Variants in HLX observed in about 807,000 individuals in gnomAD.
HLX encodes the protein H2.0-like homeobox protein.
HLX carries 6 observed loss-of-function variants against 27.7 expected under a neutral mutation model. The ratio of observed to expected loss-of-function variants is 0.22; its 90% CI spans 0.12 to 0.43. The LOEUF (loss-of-function observed/expected upper bound fraction) is 0.43, where lower values mean the gene tolerates loss of function less well. Among genes scored for constraint, HLX ranks in the 20% least tolerant of loss-of-function variants. The probability of loss-of-function intolerance (pLI) is 1.00; values close to 1 mark genes in which losing one functional copy is unlikely to be tolerated. For missense variants in HLX, 666 were observed against 655.2 expected, an observed-to-expected ratio of 1.02 and a Z score of -0.18; for synonymous variants, 328 against 293.8, an observed-to-expected ratio of 1.12 and a Z score of -1.19.
chr1:220,884,805 A>G lies in HLX; in HGVS notation c.*101A>G. Reference sequence around the variant, plus strand: ...TGTTGGCGACTTGGTAGGGCAGGAGACGCAGCGTGGAGCCTACCTCCCGAC... The same window carrying G: ...TGTTGGCGACTTGGTAGGGCAGGAGGCGCAGCGTGGAGCCTACCTCCCGAC... On this transcript the variant is annotated 3_prime_UTR_variant, in exon 4 of 4. Coordinates refer to ENST00000366903, the MANE Select transcript of HLX (RefSeq NM_021958.4). The surrounding 1 kb of genome is among the most constrained non-coding windows in gnomAD (Gnocchi z 4.9). 6.6e-7 allele frequency: 1 copy of G among 1,510,792 alleles called. No homozygotes were observed. Among genetic ancestry groups the G allele is most frequent in the South Asian group, 1.2e-5 (1 of 81,060 alleles). 93.6% of individuals were successfully genotyped at this position (1,510,792 alleles called of 1,614,324 possible).
Position 220,884,087 on chromosome 1 carries a change from T to G in HLX, c.958-108T>G. On this transcript the variant is annotated intron_variant, in intron 3 of 3. Coordinates refer to ENST00000366903, the MANE Select transcript of HLX (RefSeq NM_021958.4). This position sits in a 1 kb window ranked among gnomAD's most constrained non-coding sequence, Gnocchi z 4.9. The stretch of plus-strand genomic sequence containing the variant: ...CTTGGTAGAGTCGCCAAGTAAGCGT[T>G]GCTTTTTCACTCAGGGAGGTGGCTT... 8.6e-7 allele frequency: 1 copy of G among 1,169,230 alleles called. No homozygotes were observed. The highest frequency in any genetic ancestry group is 1.3e-6 in the Non-Finnish European group (1 of 790,950). The allele number at this position is 1,169,230 out of a possible 1,614,324, so 72.4% of individuals were successfully genotyped here. A position where few individuals can be genotyped will look rare whatever the true frequency, so the allele number is the denominator to read the frequency against.
In HLX at chr1:220,880,145, C is replaced by T. The variant is rs754436791; in HGVS notation, c.288C>T (p.Thr96=). The T allele has an allele frequency of 6.2e-7, 1 of 1,611,842 alleles. No homozygotes were observed. Among genetic ancestry groups the T allele is most frequent in the East Asian group, 2.2e-5 (1 of 44,850 alleles). ...QAAARSPLRP[T]PVVAPSEVPA... ...CGGCCAGATCCCCGCTTCGACCCAC[C>T]CCAGTGGTGGCGCCCTCCGAAGTCC... is the stretch of plus-strand genomic sequence containing the variant. The change falls in exon 1 of 4, where the codon ACC becomes ACT. Residue 96 remains threonine, a synonymous_variant. Transcript: ENST00000366903.
Position 220,880,054 on chromosome 1 carries a change from G to A in HLX, c.197G>A (p.Gly66Glu), listed in dbSNP as rs1194068110. ...GGGGCGGCCCCGGAGGGCCTGGCAG[G>A]GGCCTCGGCCGCCGCCCTCACCGCG... ...DLGAAPEGLA[G>E]ASAAALTAHL... is the part of the protein sequence containing the mutation. The change falls in exon 1 of 4, where the codon GGG (glycine) becomes GAG (glutamate). Residue 66 changes from glycine to glutamate, a missense_variant. Physicochemically the swap from Gly to Glu is moderately conservative, Grantham distance 98 (BLOSUM62 -2). Coordinates refer to ENST00000366903, the MANE Select transcript of HLX (RefSeq NM_021958.4). The A allele has an allele frequency of 2.5e-6, 4 of 1,588,524 alleles. No homozygotes were observed. The highest frequency in any genetic ancestry group is 1.1e-5 in the South Asian group (1 of 89,964).
rs1674392721 is a variant in HLX at position 220,880,199 on chromosome 1, G to T, written c.342G>T (p.Pro114=). 4 of 1,612,084 alleles carry T rather than the reference G, an allele frequency of 2.5e-6. No homozygotes were observed. In the East Asian group the frequency reaches 8.9e-5, roughly 36 times the overall value. Residue 114 remains proline (P), a synonymous_variant, in exon 1 of 4, where the codon CCG becomes CCT. Transcript: ENST00000366903. ...VPAGFPQRLS[P]LSAAYHHHHP... is the part of the protein sequence containing the mutation. ...CTGGCTTCCCGCAGCGGCTGTCTCCGCTCTCAGCCGCCTACCACCACCATC... is the reference window on the plus strand; with the variant it reads ...CTGGCTTCCCGCAGCGGCTGTCTCCTCTCTCAGCCGCCTACCACCACCATC...
In HLX at chr1:220,879,538, G is replaced by A. The variant is rs988855857; in HGVS notation, c.-320G>A. Reference sequence around the variant, plus strand: ...CTATTTGGGTTTTCTTGCGGTGTCCGGCTCCCGTCTCCCTGGCTCCCCCGC... The same window carrying A: ...CTATTTGGGTTTTCTTGCGGTGTCCAGCTCCCGTCTCCCTGGCTCCCCCGC... On this transcript the variant is annotated 5_prime_UTR_variant, in exon 1 of 4. Coordinates refer to ENST00000366903, the MANE Select transcript of HLX (RefSeq NM_021958.4). 3 of 436,874 alleles carry A rather than the reference G, an allele frequency of 6.9e-6. No homozygotes were observed. The highest frequency in any genetic ancestry group is 4.0e-5 in the East Asian group (1 of 24,706). The allele number at this position is 436,874 out of a possible 1,614,324, so 27.1% of individuals were successfully genotyped here. A position where few individuals can be genotyped will look rare whatever the true frequency, so the allele number is the denominator to read the frequency against.
At position 220,885,035 on chromosome 1, in the gene HLX, T is replaced by G. The variant is rs1159014427; in HGVS notation, c.*331T>G. 5.5e-6 allele frequency: 2 copies of G among 365,338 alleles called. No individual in the cohort carries two copies. Among genetic ancestry groups the G allele is most frequent in the Non-Finnish European group, 1.0e-5 (2 of 196,726 alleles). The allele number at this position is 365,338 out of a possible 1,614,324, so 22.6% of individuals were successfully genotyped here. A position where few individuals can be genotyped will look rare whatever the true frequency, so the allele number is the denominator to read the frequency against. ...ACTTAGGACGCCTTAAATTTGTAAA[T>G]AAAATGTTTACTACGGTTTGTAAAG... On this transcript the variant is annotated 3_prime_UTR_variant, in exon 4 of 4. Coordinates refer to ENST00000366903, the MANE Select transcript of HLX (RefSeq NM_021958.4).
chr1:220,882,223 T>C lies in HLX; in HGVS notation c.832T>C (p.Trp278Arg). Reference sequence around the variant, plus strand: ...GCAGACGTACAAAAGGAAGCGTTCATGGTCGCGCGCTGTGTTCTCCAACCT... The same window carrying C: ...GCAGACGTACAAAAGGAAGCGTTCACGGTCGCGCGCTGTGTTCTCCAACCT... ...MPQTYKRKRS[W>R]SRAVFSNLQR... Residue 278 changes from tryptophan to arginine, a missense_variant, in exon 3 of 4, where the codon TGG (tryptophan) becomes CGG (arginine). Coordinates refer to ENST00000366903, the MANE Select transcript of HLX (RefSeq NM_021958.4). The C allele has an allele frequency of 1.2e-6, 2 of 1,614,210 alleles. No homozygotes were observed. The highest frequency in any genetic ancestry group is 1.7e-6 in the Non-Finnish European group (2 of 1,180,022).
chr1:220,881,079 TC>T, intron 1 of HLX, 114 bp from the exon 2 acceptor site: 5 of 981,434 alleles, frequency 5.1e-6, no homozygotes, highest in Non-Finnish European at 7.8e-6. Context: ...ACGGGTTCTC[TC>T]TTGACTTCGC....
intron 3 of HLX, chr1:220,883,842 T>C (rs1051783340): frequency 6.0e-5 from 18 of 300,462 alleles, no homozygotes; most frequent in African/African-American, 3.0e-4. Flanking sequence ...ATGGGGGTCC[T>C]GGCATAAAAA....
At chr1:220,880,507 G>A in intron 1 of HLX, 58 bp downstream of exon 1, 2 of 1,587,922 alleles carry the variant, frequency 1.3e-6, no homozygotes, top group Non-Finnish European at 1.7e-6. Flanking sequence ...CCCGGACCCC[G>A]GGCTGGCTTG....
In HLX at chr1:220,879,780, G is replaced by A. The variant is rs988824703; in HGVS notation, c.-78G>A. Reference sequence around the variant, plus strand: ...CCTCGGCTGCCGCCGCCTTCTCCGGGACTCGCGCGCCCCTCCCCGCGCGCC... The same window carrying A: ...CCTCGGCTGCCGCCGCCTTCTCCGGAACTCGCGCGCCCCTCCCCGCGCGCC... On this transcript the variant is annotated 5_prime_UTR_variant, in exon 1 of 4. Coordinates refer to ENST00000366903, the MANE Select transcript of HLX (RefSeq NM_021958.4). 1 of 1,465,696 alleles carries A rather than the reference G, an allele frequency of 6.8e-7. No homozygotes were observed. 90.8% of individuals were successfully genotyped at this position (1,465,696 alleles called of 1,614,324 possible).
chr1:220,881,574 G>T (rs1390398396), intron 2 of HLX: 2 of 629,446 alleles, frequency 3.2e-6, no homozygotes, highest in East Asian at 5.5e-5. Context: ...AGGGGTAGAG[G>T]CGCCTGGAGA....
chr1:220,884,752 C>T lies in HLX; in HGVS notation c.*48C>T. 1 of 1,591,474 alleles carries T rather than the reference C, an allele frequency of 6.3e-7. No individual in the cohort carries two copies. Among genetic ancestry groups the T allele is most frequent in the Non-Finnish European group, 8.5e-7 (1 of 1,174,702 alleles). ...CCGGGCCTTGCGTGCAGCCTCCCAA[C>T]CATGGGCTGGGTTTTGTGCTTACTG... On this transcript the variant is annotated 3_prime_UTR_variant, in exon 4 of 4. Transcript: ENST00000366903. The surrounding 1 kb of genome is among the most constrained non-coding windows in gnomAD (Gnocchi z 4.9).
chr1:220,881,194 A>T lies in HLX; in HGVS notation c.593A>T (p.Asp198Val), dbSNP rs139812768. ...TGCTATCCTTTTCCCTTGTCCCCAG[A>T]TCTCACTTCCCTGCTAACCGGTGGG... ...PKVKEGNTLR[D>V]LTSLLTGGRP... Residue 198 changes from aspartate (D) to valine (V), a missense_variant and splice_region_variant, in exon 2 of 4, where the codon GAT becomes GTT. Transcript: ENST00000366903. 5.0e-6 allele frequency: 8 copies of T among 1,603,260 alleles called. No individual in the cohort carries two copies. Among genetic ancestry groups the T allele is most frequent in the Non-Finnish European group, 6.8e-6 (8 of 1,170,232 alleles).
chr1:220,883,844 G>T, intron 3 of HLX: 1 of 301,192 alleles, frequency 3.3e-6, no homozygotes, highest in East Asian at 6.7e-5. Flanking sequence ...GGGGGTCCTG[G>T]CATAAAAAAA....
chr1:220,882,204 G>GTC lies in HLX; in HGVS notation c.814_815insCT (p.Tyr272SerfsTer31). 6.2e-7 allele frequency: 1 copy of GTC among 1,614,172 alleles called. No individual in the cohort carries two copies. The highest frequency in any genetic ancestry group is 8.5e-7 in the Non-Finnish European group (1 of 1,180,024). The stretch of plus-strand genomic sequence containing the variant: ...TCACGAAGGACACCATGCCGCAGAC[G>GTC]TACAAAAGGAAGCGTTCATGGTCGC... On this transcript the variant is annotated frameshift_variant, in exon 3 of 4. Transcript: ENST00000366903. LOFTEE classifies it high-confidence loss of function.
rs1674394901 is a variant in HLX at position 220,880,253 on chromosome 1, G to A, written c.396G>A (p.Gln132=). Residue 132 remains glutamine (Q), a synonymous_variant, in exon 1 of 4, where the codon CAG becomes CAA. Coordinates refer to ENST00000366903, the MANE Select transcript of HLX (RefSeq NM_021958.4). ...CGCAACAACAACAGCAGCAGCAACAGCCGCAGCAGCAACAGCCTCCGCCTC... is the reference window on the plus strand; with the variant it reads ...CGCAACAACAACAGCAGCAGCAACAACCGCAGCAGCAACAGCCTCCGCCTC... ...HHPQQQQQQQ[Q]PQQQQPPPPP... is the part of the protein sequence containing the mutation. The A allele has an allele frequency of 3.7e-6, 6 of 1,612,964 alleles. No homozygotes were observed. Among genetic ancestry groups the A allele is most frequent in the Non-Finnish European group, 4.2e-6 (5 of 1,179,334 alleles).
rs895595955 is a variant in HLX at position 220,879,718 on chromosome 1, C to A, written c.-140C>A. 7.4e-5 allele frequency: 98 copies of A among 1,324,564 alleles called. No homozygotes were observed. The highest frequency in any genetic ancestry group is 9.2e-5 in the Non-Finnish European group (93 of 1,013,976). The allele number at this position is 1,324,564 out of a possible 1,614,324, so 82.1% of individuals were successfully genotyped here. A position where few individuals can be genotyped will look rare whatever the true frequency, so the allele number is the denominator to read the frequency against. ...GGTGGCGCTAGGGCTCCCGGCCTCT[C>A]TTCCTCAGTGCGGGCGGAGAAGCGA... On this transcript the variant is annotated 5_prime_UTR_variant, in exon 1 of 4. Transcript: ENST00000366903.
At position 220,884,793 on chromosome 1, in the gene HLX, G is replaced by A. The variant is rs569739542; in HGVS notation, c.*89G>A. ...GTGCTTACTGTATGTTGGCGACTTG[G>A]TAGGGCAGGAGACGCAGCGTGGAGC... is the stretch of plus-strand genomic sequence containing the variant. On this transcript the variant is annotated 3_prime_UTR_variant, in exon 4 of 4. Coordinates refer to ENST00000366903, the MANE Select transcript of HLX (RefSeq NM_021958.4). This position sits in a 1 kb window ranked among gnomAD's most constrained non-coding sequence, Gnocchi z 4.9. 47 of 1,540,460 alleles carry A rather than the reference G, an allele frequency of 3.1e-5. No individual in the cohort carries two copies. The African/African-American group carries it at 6.1e-4, about 20-fold the overall frequency.
Sources: allele counts gnomAD v4.1 joint callset, GRCh38; gene constraint gnomAD v4.1.1; non-coding constraint Gnocchi (gnomAD v3.1); transcripts MANE v1.5; gene names NCBI Gene and HGNC (gene_info 2026-07-23, HGNC 2026-07-21).